The following TRIM2 variants were observed in gnomAD, a reference collection of about 807,000 sequenced individuals.
The protein encoded by TRIM2 is tripartite motif containing 2.
A neutral mutation model predicts 75.2 loss-of-function variants in TRIM2; 20 were observed. The observed-to-expected ratio is 0.27, with a 90% CI of 0.19 to 0.39. TRIM2 has a LOEUF of 0.39. Ranked by LOEUF, TRIM2 falls within the 10% of genes least tolerant of loss-of-function variation. TRIM2 has a pLI of 1.00. For missense variants in TRIM2, 660 were observed against 990.8 expected (o/e 0.67, Z 4.48); for synonymous variants, 373 against 388.3 (o/e 0.96, Z 0.46).
At chr4:153,243,677 A>G (rs6811570) in intron 1 of TRIM2, among the ~76,000 whole-genome samples, 3,479 of 152,234 alleles carry the variant, frequency 0.023, 106 homozygotes, top group East Asian at 0.079. Context: ...GTCAGAGGGT[A>G]TTATTGTGAC....
chr4:153,159,821 C>T (rs1367140657), intron 1 of TRIM2, among the ~76,000 whole-genome samples: 1 of 152,164 alleles, frequency 6.6e-6, no homozygotes, highest in Non-Finnish European at 1.5e-5. Flanking sequence ...CTAACAGTAG[C>T]TCCGAGTTTA....
chr4:153,300,913 G>A (rs770018896), intron 6 of TRIM2, among the ~76,000 whole-genome samples: 2 of 150,988 alleles, frequency 1.3e-5, no homozygotes, highest in Non-Finnish European at 1.5e-5. Context: ...CATGGGGGCC[G>A]GGCACAGTGG....
upstream of TRIM2, chr4:153,152,408 GTATATATA>G (rs562242204): frequency 7.3e-4 from 37 of 50,570 alleles, no homozygotes; most frequent in African/African-American, 1.3e-3. Flanking sequence ...ATATATGTGT[GTATATATA>G]TATATATATA....
intron 1 of TRIM2, among the ~76,000 whole-genome samples, chr4:153,208,471 A>G (rs1736062615): frequency 6.6e-6 from 1 of 152,128 alleles, no homozygotes; most frequent in South Asian, 2.1e-4. Flanking sequence ...AATAAATCTA[A>G]AACTCATTTA....
intron 1 of TRIM2, among the ~76,000 whole-genome samples, chr4:153,187,095 C>T (rs553947248): frequency 3.7e-4 from 57 of 152,218 alleles, no homozygotes; most frequent in African/African-American, 1.3e-3. Flanking sequence ...CCAGGTCGTA[C>T]GTATGATAAT....
chr4:153,171,848 TTTTTTTC>T (rs1220174314), intron 1 of TRIM2, among the ~76,000 whole-genome samples: 2 of 143,300 alleles, frequency 1.4e-5, no homozygotes, highest in Admixed American at 6.9e-5. Flanking sequence ...GGCTTTTTTT[TTTTTTTC>T]GCTAATGTAT....
At chr4:153,170,473 G>A (rs1323579626) in intron 1 of TRIM2, among the ~76,000 whole-genome samples, 3 of 152,094 alleles carry the variant, frequency 2.0e-5, no homozygotes, top group East Asian at 3.9e-4. Context: ...GTGGCGGCAG[G>A]GAGCAGATTA....
At chr4:153,260,690 ACCCCCC>A (rs58510660) in intron 1 of TRIM2, among the ~76,000 whole-genome samples, 4 of 34,616 alleles carry the variant, frequency 1.2e-4, no homozygotes, top group East Asian at 2.0e-3. Context: ...CCACACACCC[ACCCCCC>A]CCCCCACACA....
At chr4:153,218,431 C>A (rs7687844) in intron 1 of TRIM2, among the ~76,000 whole-genome samples, 105,407 of 152,064 alleles carry the variant, frequency 0.69, 37,561 homozygotes, top group East Asian at 0.88. Flanking sequence ...GGTGGCCTCC[C>A]ATTCTTGAGC....
At chr4:153,292,834 C>T (rs1236248923) in intron 3 of TRIM2, 148 bp from the exon 4 acceptor site, 11 of 835,512 alleles carry the variant, frequency 1.3e-5, no homozygotes, top group Non-Finnish European at 1.9e-5. Context: ...TGTGTCCTTC[C>T]TTTTCTCCTG....
At chr4:153,175,489 G>C (rs961521783) in intron 1 of TRIM2, among the ~76,000 whole-genome samples, 1 of 152,044 alleles carries the variant, frequency 6.6e-6, no homozygotes, top group Admixed American at 6.6e-5. Context: ...AAACAGCGGG[G>C]GGAGGGGGTG....
intron 1 of TRIM2, among the ~76,000 whole-genome samples, chr4:153,236,594 A>T (rs1745088669): frequency 6.6e-6 from 1 of 152,148 alleles, no homozygotes; most frequent in African/African-American, 2.4e-5. Flanking sequence ...ATTGTCCTTT[A>T]TACAGCAGTT....
At chr4:153,163,245 G>T (rs766483374) in intron 1 of TRIM2, among the ~76,000 whole-genome samples, 3 of 152,088 alleles carry the variant, frequency 2.0e-5, no homozygotes, top group Non-Finnish European at 4.4e-5. Context: ...GAGTGCAGGG[G>T]CGCAATCTTG....
chr4:153,338,191 A>G lies in TRIM2; in HGVS notation c.*3225A>G. On this transcript the variant is annotated 3_prime_UTR_variant, in exon 12 of 12. Coordinates refer to ENST00000338700, the MANE Select transcript of TRIM2 (RefSeq NM_015271.5). ...ATGGAGTTAACTGGAATAGCAGTAC[A>G]CTAGCAAGTATCTGTGAATCCTTAG... is the stretch of plus-strand genomic sequence containing the variant. 7 of 985,904 alleles carry G rather than the reference A, an allele frequency of 7.1e-6. No homozygotes were observed. The highest frequency in any genetic ancestry group is 1.7e-5 in the African/African-American group (1 of 57,376). The allele number at this position is 985,904 out of a possible 1,614,324, so 61.1% of individuals were successfully genotyped here. A position where few individuals can be genotyped will look rare whatever the true frequency, so the allele number is the denominator to read the frequency against.
intron 1 of TRIM2, among the ~76,000 whole-genome samples, chr4:153,210,773 C>T (rs1208722424): frequency 6.6e-6 from 1 of 152,152 alleles, no homozygotes; most frequent in Non-Finnish European, 1.5e-5. Flanking sequence ...TCTGGACATA[C>T]TGGAGGCACA....
At chr4:153,270,296 T>C (rs769042596) in intron 1 of TRIM2, 39 bp from the exon 2 acceptor site, 1 of 1,586,094 alleles carries the variant, frequency 6.3e-7, no homozygotes, top group South Asian at 1.2e-5. Flanking sequence ...TACCTACAGA[T>C]CATTATATGT....
chr4:153,249,019 ACTC>A (rs1314129651), intron 1 of TRIM2, among the ~76,000 whole-genome samples: 1 of 152,100 alleles, frequency 6.6e-6, no homozygotes, highest in Non-Finnish European at 1.5e-5. Context: ...AGTCGGGAGA[ACTC>A]CTGTTGCTGG....
chr4:153,187,755 C>G lies in TRIM2; in HGVS notation c.-49+34485C>G, dbSNP rs1336322257. ...AGGTAGACCCCTGGATGATCCGGCA[C>G]TGAGGTTCAGTGACAGGCAGAAAAA... On this transcript the variant is annotated intron_variant, in intron 1 of 11. Transcript: ENST00000437508. 3.9e-5 allele frequency among the ~76,000 whole-genome samples: 6 copies of G among 152,086 alleles called. No individual in the cohort carries two copies. The East Asian group carries it at 1.2e-3, about 29-fold the overall frequency.
At chr4:153,270,603 C>T in intron 2 of TRIM2, 84 bp downstream of exon 2, 2 of 1,252,440 alleles carry the variant, frequency 1.6e-6, no homozygotes, top group Non-Finnish European at 2.2e-6. Context: ...CAGAATTCTA[C>T]AGTTACCTTT....
Sources: allele counts gnomAD v4.1 joint callset (sites outside exome capture counted in the v4.1 genomes callset), GRCh38; gene constraint gnomAD v4.1.1; transcripts MANE v1.5; gene names NCBI Gene and HGNC (gene_info 2026-07-23, HGNC 2026-07-21).